The following NOX4 variants were observed in gnomAD, a reference collection of about 807,000 sequenced individuals.
NOX4 encodes the protein kidney oxidase-1.
Under a neutral mutation model 87.6 loss-of-function variants are expected in NOX4, and 69 were observed. The ratio of observed to expected loss-of-function variants is 0.79; its 90% CI spans 0.65 to 0.96. NOX4 has a LOEUF of 0.96. Among genes scored for constraint, NOX4 ranks in the 40% least tolerant of loss-of-function variants. The pLI is 0.00. For missense variants in NOX4, 680 were observed against 681.5 expected (o/e 1.00, Z 0.02); for synonymous variants, 275 against 238.2 (o/e 1.15, Z -1.42).
the NOX4 span, among the ~76,000 whole-genome samples, chr11:89,569,473 T>C: frequency 6.6e-6 from 1 of 152,034 alleles, no homozygotes; most frequent in East Asian, 1.9e-4. Context: ...ACATCACTAA[T>C]CATTAGAGAA....
the NOX4 span, among the ~76,000 whole-genome samples, chr11:89,527,594 G>T: frequency 2.0e-5 from 3 of 152,130 alleles, no homozygotes; most frequent in African/African-American, 7.2e-5. Flanking sequence ...TGGCTAAAAG[G>T]GGCCAACATA....
chr11:89,419,003 C>G (rs916766559), intron 8 of NOX4, among the ~76,000 whole-genome samples: 1 of 152,028 alleles, frequency 6.6e-6, no homozygotes, highest in Non-Finnish European at 1.5e-5. Context: ...TGATAATTCT[C>G]TGAATTGCTA....
the NOX4 span, among the ~76,000 whole-genome samples, chr11:89,580,338 C>T: frequency 6.6e-6 from 1 of 151,962 alleles, no homozygotes; most frequent in Admixed American, 6.6e-5. Flanking sequence ...GTGCGCACCA[C>T]CACACCTTGC....
At chr11:89,585,756 T>C in the NOX4 span, among the ~76,000 whole-genome samples, 1 of 152,186 alleles carries the variant, frequency 6.6e-6, no homozygotes, top group South Asian at 2.1e-4. Flanking sequence ...TCCAGTTCAT[T>C]GTACTCCCAT....
At chr11:89,467,423 T>C (rs934860126) in intron 2 of NOX4, among the ~76,000 whole-genome samples, 7 of 151,472 alleles carry the variant, frequency 4.6e-5, no homozygotes, top group African/African-American at 1.7e-4. Flanking sequence ...AGAGCATCTC[T>C]CTCAGTCTGC....
At chr11:89,452,927 C>A (rs1294437586) in intron 2 of NOX4, among the ~76,000 whole-genome samples, 2 of 151,988 alleles carry the variant, frequency 1.3e-5, no homozygotes, top group African/African-American at 4.8e-5. Context: ...ACCCGCAGTT[C>A]CAGTTACTCT....
intron 12 of NOX4, among the ~76,000 whole-genome samples, chr11:89,357,201 T>C (rs1938131750): frequency 6.9e-6 from 1 of 145,692 alleles, no homozygotes. Flanking sequence ...CAGAGATACA[T>C]AACTGGCTTC....
At chr11:89,331,844 C>T (rs1179339937) in intron 17 of NOX4, among the ~76,000 whole-genome samples, 1 of 151,040 alleles carries the variant, frequency 6.6e-6, no homozygotes, top group African/African-American at 2.4e-5. Flanking sequence ...CTCTGATATC[C>T]TCTCCGTGTG....
chr11:89,533,582 G>A, the NOX4 span: 4 of 148,514 alleles, frequency 2.7e-5, no homozygotes, highest in African/African-American at 9.8e-5. Context: ...TGCTTCACAT[G>A]CATTTTGAGT....
intron 13 of NOX4, among the ~76,000 whole-genome samples, chr11:89,345,925 T>C (rs1236836958): frequency 2.6e-5 from 4 of 152,042 alleles, no homozygotes; most frequent in African/African-American, 7.2e-5. Context: ...TTATTCAACA[T>C]AGCACTGGAA....
intron 2 of NOX4, among the ~76,000 whole-genome samples, chr11:89,466,065 C>A (rs894887799): frequency 6.6e-6 from 1 of 152,116 alleles, no homozygotes; most frequent in Non-Finnish European, 1.5e-5. Context: ...AAAAAGGCAG[C>A]CATCTGTCAA....
intron 7 of NOX4, among the ~76,000 whole-genome samples, chr11:89,427,737 G>A (rs766958395): frequency 6.6e-5 from 10 of 152,294 alleles, no homozygotes; most frequent in East Asian, 5.8e-4. Context: ...CCAAAACTAC[G>A]TCTGATTGGC....
At chr11:89,486,278 A>G (rs1946589603) in intron 2 of NOX4, among the ~76,000 whole-genome samples, 1 of 148,332 alleles carries the variant, frequency 6.7e-6, no homozygotes, top group Admixed American at 6.8e-5. Context: ...TATTTAAATA[A>G]ATAAATAAAT....
At chr11:89,425,914 T>C (rs374668185) in intron 7 of NOX4, among the ~76,000 whole-genome samples, 4 of 152,142 alleles carry the variant, frequency 2.6e-5, no homozygotes, top group Non-Finnish European at 4.4e-5. Flanking sequence ...AGTAGAACAA[T>C]TGGAGATTCT....
intron 11 of NOX4, among the ~76,000 whole-genome samples, chr11:89,386,177 T>C (rs1363526742): frequency 6.6e-6 from 1 of 152,136 alleles, no homozygotes; most frequent in Admixed American, 6.6e-5. Flanking sequence ...CTATTTGAGC[T>C]CCTGTATGGA....
chr11:89,574,206 C>T, the NOX4 span, among the ~76,000 whole-genome samples: 1 of 152,144 alleles, frequency 6.6e-6, no homozygotes, highest in South Asian at 2.1e-4. Flanking sequence ...TCCTGCCATG[C>T]TCATGCCTGT....
chr11:89,485,454 CTCTTT>C, intron 2 of NOX4, among the ~76,000 whole-genome samples: 1 of 151,882 alleles, frequency 6.6e-6, no homozygotes, highest in Non-Finnish European at 1.5e-5. Context: ...TAAAATCATT[CTCTTT>C]TCAAGTTAAA....
chr11:89,434,018 C>T (rs1030103980), intron 6 of NOX4, among the ~76,000 whole-genome samples: 1 of 152,016 alleles, frequency 6.6e-6, no homozygotes, highest in Non-Finnish European at 1.5e-5. Flanking sequence ...AATCTTAAAT[C>T]AGACTACAAA....
At chr11:89,384,572 C>A (rs909496456) in intron 11 of NOX4, among the ~76,000 whole-genome samples, 1 of 152,152 alleles carries the variant, frequency 6.6e-6, no homozygotes, top group African/African-American at 2.4e-5. Flanking sequence ...CTTTTACCAT[C>A]CTGACTAAAC....
Sources: gnomAD v4.1 joint callset for allele counts (sites outside exome capture counted in the v4.1 genomes callset) on GRCh38, gnomAD v4.1.1 for gene constraint, MANE v1.5 for transcripts, NCBI Gene and HGNC (gene_info 2026-07-23, HGNC 2026-07-21) for gene names.